EEPD1: variants seen among roughly 807,000 people sequenced by gnomAD.
The protein encoded by EEPD1 is endonuclease/exonuclease/phosphatase family domain containing 1.
Under a neutral mutation model 46.3 loss-of-function variants are expected in EEPD1, and 17 were observed. The observed-to-expected ratio is 0.37, with a 90% CI of 0.25 to 0.55. EEPD1 has a LOEUF of 0.55. EEPD1 is among the 20% of genes least tolerant of loss of function. The pLI, the probability that EEPD1 is intolerant of heterozygous loss-of-function variation, is 0.83. For synonymous variants in EEPD1, 313 were observed against 315.6 expected (o/e 0.99, Z 0.09); for missense variants, 673 against 745.6 (o/e 0.90, Z 1.13).
In EEPD1 at chr7:36,287,668, C is replaced by T. The variant is rs148744469; in HGVS notation, c.1206C>T (p.Asn402=). The T allele has an allele frequency of 4.3e-4, 689 of 1,614,098 alleles. 4 individuals carry two copies. In the African/African-American group the frequency reaches 8.0e-3, roughly 19 times the overall value. The change falls in exon 6 of 8, where the codon AAC becomes AAT. Residue 402 remains asparagine (N), a synonymous_variant. Transcript: ENST00000242108. ...GAAGTCACGACCTGACCCTTGTTAA[C>T]CTTCACCTGGCAGCCCTGACCCTCC... ...KVGSHDLTLV[N]LHLAALTLLG...
chr7:36,219,254 A>C (rs1786089423), intron 2 of EEPD1, among the ~76,000 whole-genome samples: 2 of 152,034 alleles, frequency 1.3e-5, no homozygotes, highest in Admixed American at 1.3e-4. Flanking sequence ...TGTAGATTTA[A>C]AAAATTCAAA....
At chr7:36,240,097 C>A (rs557984070) in intron 3 of EEPD1, among the ~76,000 whole-genome samples, 1 of 152,180 alleles carries the variant, frequency 6.6e-6, no homozygotes, top group Admixed American at 6.5e-5. Flanking sequence ...AGTGAGACCT[C>A]ATCTCTTCAG....
chr7:36,242,755 T>C (rs568445089), intron 3 of EEPD1, among the ~76,000 whole-genome samples: 183 of 134,484 alleles, frequency 1.4e-3, no homozygotes, highest in African/African-American at 4.9e-3. Context: ...AAACTGTGTC[T>C]CTAATAAAAA....
intron 2 of EEPD1, among the ~76,000 whole-genome samples, chr7:36,220,297 G>A (rs1786122908): frequency 1.3e-5 from 2 of 152,158 alleles, no homozygotes; most frequent in Non-Finnish European, 2.9e-5. Context: ...CTTCTTGGGT[G>A]AAAGCATGTT....
chr7:36,173,297 G>T (rs913375219), intron 2 of EEPD1, among the ~76,000 whole-genome samples: 2 of 140,780 alleles, frequency 1.4e-5, no homozygotes, highest in South Asian at 4.7e-4. Context: ...GACCATCGTG[G>T]CCAACATGGT....
At position 36,154,455 on chromosome 7, in the gene EEPD1, C is replaced by T; in HGVS notation, c.131C>T (p.Thr44Ile). Reference protein sequence around the residue: ...LVNQERLNINTATEEELMTLP... With the variant: ...LVNQERLNINIATEEELMTLP... ...AATCAGGAGCGGCTCAACATCAACACTGCCACGGAGGAGGAGCTGATGACC... is the reference window on the plus strand; with the variant it reads ...AATCAGGAGCGGCTCAACATCAACATTGCCACGGAGGAGGAGCTGATGACC... Residue 44 changes from threonine to isoleucine, a missense_variant, in exon 2 of 8, where the codon ACT (threonine) becomes ATT (isoleucine). Transcript: ENST00000242108. The surrounding 1 kb of genome is among the most constrained non-coding windows in gnomAD (Gnocchi z 4.2). The T allele has an allele frequency of 6.2e-7, 1 of 1,614,242 alleles. No individual in the cohort carries two copies. Among genetic ancestry groups the T allele is most frequent in the African/African-American group, 1.3e-5 (1 of 75,074 alleles).
chr7:36,259,982 A>G (rs1006403169), intron 3 of EEPD1, among the ~76,000 whole-genome samples: 1 of 152,216 alleles, frequency 6.6e-6, no homozygotes, highest in African/African-American at 2.4e-5. Context: ...ATACATCTCT[A>G]ATCCCATGTA....
chr7:36,255,710 C>A (rs1433773003), intron 3 of EEPD1, among the ~76,000 whole-genome samples: 1 of 151,922 alleles, frequency 6.6e-6, no homozygotes, highest in African/African-American at 2.4e-5. Context: ...CTATTTGATT[C>A]TTCTCTCTTT....
At chr7:36,181,698 T>A (rs1475541371) in intron 2 of EEPD1, among the ~76,000 whole-genome samples, 1 of 152,194 alleles carries the variant, frequency 6.6e-6, no homozygotes, top group Non-Finnish European at 1.5e-5. Flanking sequence ...ACCGTCTGGA[T>A]TTTGTCTTGG....
intron 2 of EEPD1, among the ~76,000 whole-genome samples, chr7:36,222,163 G>A (rs763530087): frequency 3.3e-5 from 5 of 152,202 alleles, no homozygotes; most frequent in Admixed American, 1.3e-4. Context: ...CCAGCCTACT[G>A]TTGACCAGAA....
chr7:36,298,462 A>G (rs1482087341), intron 7 of EEPD1, among the ~76,000 whole-genome samples: 2 of 152,182 alleles, frequency 1.3e-5, no homozygotes, highest in Admixed American at 6.5e-5. Flanking sequence ...TTGTTTTTGT[A>G]ACTATTCATT....
At chr7:36,245,218 G>A (rs1483375521) in intron 3 of EEPD1, among the ~76,000 whole-genome samples, 1 of 152,170 alleles carries the variant, frequency 6.6e-6, no homozygotes, top group Non-Finnish European at 1.5e-5. Flanking sequence ...AAAGTGCTGG[G>A]ATTACAGACA....
intron 2 of EEPD1, among the ~76,000 whole-genome samples, chr7:36,196,702 G>C (rs1046567402): frequency 2.6e-5 from 4 of 152,252 alleles, no homozygotes; most frequent in Admixed American, 2.0e-4. Flanking sequence ...ACAGAGTCTC[G>C]TTAACTCAGT....
chr7:36,169,886 A>T (rs569901632), intron 2 of EEPD1, among the ~76,000 whole-genome samples: 1 of 152,188 alleles, frequency 6.6e-6, no homozygotes, highest in Non-Finnish European at 1.5e-5. Flanking sequence ...TGCATTTTTG[A>T]TGGAAGTTTA....
chr7:36,233,575 A>G (rs1432692052), intron 2 of EEPD1, among the ~76,000 whole-genome samples: 1 of 152,222 alleles, frequency 6.6e-6, no homozygotes, highest in African/African-American at 2.4e-5. Context: ...GAGACAGACA[A>G]AAGCACCCCG....
chr7:36,184,035 G>C (rs561070242), intron 2 of EEPD1, among the ~76,000 whole-genome samples: 17 of 152,134 alleles, frequency 1.1e-4, no homozygotes, highest in African/African-American at 3.6e-4. Flanking sequence ...TTTCTCTTGT[G>C]CAGGGATCAG....
chr7:36,185,870 G>A (rs532067889), intron 2 of EEPD1, among the ~76,000 whole-genome samples: 1 of 152,280 alleles, frequency 6.6e-6, no homozygotes, highest in Admixed American at 6.5e-5. Flanking sequence ...ATGCTCAATA[G>A]AAGGCCCTTA....
At chr7:36,230,568 A>C (rs1361454246) in intron 2 of EEPD1, among the ~76,000 whole-genome samples, 1 of 151,630 alleles carries the variant, frequency 6.6e-6, no homozygotes, top group East Asian at 1.9e-4. Flanking sequence ...CTGCCACCCT[A>C]CCTGGAATGC....
chr7:36,290,229 C>A (rs1268982725), intron 6 of EEPD1, among the ~76,000 whole-genome samples: 1 of 152,198 alleles, frequency 6.6e-6, no homozygotes, highest in Non-Finnish European at 1.5e-5. Context: ...CCCCACCCCA[C>A]CCCTGGTATC....
Sources: allele counts gnomAD v4.1 joint callset (sites outside exome capture counted in the v4.1 genomes callset), GRCh38; gene constraint gnomAD v4.1.1; non-coding constraint Gnocchi (gnomAD v3.1); transcripts MANE v1.5; gene names NCBI Gene and HGNC (gene_info 2026-07-23, HGNC 2026-07-21).